Variants in VPS35 observed in about 807,000 individuals in gnomAD.
VPS35 encodes VPS35 retromer complex component, also known as vacuolar protein sorting-associated protein 35.
VPS35 carries 21 observed loss-of-function variants against 98.1 expected under a neutral mutation model. The observed-to-expected ratio is 0.21, with a 90% CI of 0.15 to 0.31. The LOEUF (loss-of-function observed/expected upper bound fraction) is 0.31. VPS35 is among the 10% of genes least tolerant of loss of function. The pLI, the probability that VPS35 is intolerant of heterozygous loss-of-function variation, is 1.00. For synonymous variants in VPS35, 268 were observed against 318.2 expected (o/e 0.84, Z 1.68); for missense variants, 554 against 950.8 (o/e 0.58, Z 5.49).
intron 6 of VPS35, 24 bp downstream of exon 6, chr16:46,678,919 A>G (rs749228368): frequency 6.2e-7 from 1 of 1,608,336 alleles, no homozygotes. Context: ...TGAACATAAG[A>G]AGAGGTAACA....
chr16:46,671,448 T>C (rs1019260045), intron 12 of VPS35, among the ~76,000 whole-genome samples: 3 of 151,804 alleles, frequency 2.0e-5, no homozygotes, highest in African/African-American at 7.3e-5. Context: ...TGTTTATATA[T>C]AAAGTAAAAG....
Position 46,674,784 on chromosome 16 carries a change from T to TTTTTG in VPS35, c.915-129_915-125dup, listed in dbSNP as rs985929003. On this transcript the variant is annotated intron_variant, in intron 8 of 16. Coordinates refer to ENST00000299138, the MANE Select transcript of VPS35 (RefSeq NM_018206.6). Reference sequence around the variant, plus strand: ...GTATGAGCCCAAAAGGTTTTTGTTTTTTTTGTTTTGTTTTGTTTTGTTTTG... The same window carrying TTTTTG: ...GTATGAGCCCAAAAGGTTTTTGTTTTTTTTGTTTTGTTTTGTTTTGTTTTGTTTTG... 48 of 1,016,986 alleles carry TTTTTG rather than the reference T, an allele frequency of 4.7e-5. No individual in the cohort carries two copies. The East Asian group carries it at 4.9e-4, about 10-fold the overall frequency. The allele number at this position is 1,016,986 out of a possible 1,614,324, so 63.0% of individuals were successfully genotyped here.
rs1029174684 is a variant in VPS35 at position 46,657,859 on chromosome 16, A to G, written c.*2613T>C. The G allele has an allele frequency of 6.6e-6, 1 of 152,118 alleles. No individual in the cohort carries two copies. Among genetic ancestry groups the G allele is most frequent in the Non-Finnish European group, 1.5e-5 (1 of 68,046 alleles). The allele number at this position is 152,118 out of a possible 1,614,324, so 9.4% of individuals were successfully genotyped here. On this transcript the variant is annotated 3_prime_UTR_variant, in exon 17 of 17. Coordinates refer to ENST00000299138, the MANE Select transcript of VPS35 (RefSeq NM_018206.6). ...TTGGAATTTAATGCCATTCAGCACC[A>G]AGCCTGCCCTGGTTCAGCGTTTCCA...
At position 46,661,489 on chromosome 16, in the gene VPS35, C is replaced by CA. The variant is rs1232658090; in HGVS notation, c.2211+228dup. On this transcript the variant is annotated intron_variant, in intron 16 of 16. Transcript: ENST00000299138. This position sits in a 1 kb window ranked among gnomAD's most constrained non-coding sequence, Gnocchi z 4.3. The stretch of plus-strand genomic sequence containing the variant: ...AGGTGATCTGCCTGCCTCAGCCTCC[C>CA]AAAGTGCTGGGATTACAGGCATGAG... 10 of 417,820 alleles carry CA rather than the reference C, an allele frequency of 2.4e-5. No homozygotes were observed. The highest frequency in any genetic ancestry group is 3.9e-5 in the Non-Finnish European group (9 of 229,376). 25.9% of individuals were successfully genotyped at this position (417,820 alleles called of 1,614,324 possible). A position where few individuals can be genotyped will look rare whatever the true frequency, so the allele number is the denominator to read the frequency against.
In VPS35 at chr16:46,673,074, T is replaced by C. The variant is rs1190664007; in HGVS notation, c.1161-602A>G. Among the ~76,000 whole-genome samples the C allele has an allele frequency of 4.6e-5, 7 of 152,176 alleles. No individual in the cohort carries two copies. In the East Asian group the frequency reaches 1.3e-3, roughly 29 times the overall value. On this transcript the variant is annotated intron_variant, in intron 10 of 16. Coordinates refer to ENST00000299138, the MANE Select transcript of VPS35 (RefSeq NM_018206.6). ...ACTTTGTCTATTTTTACTTTAAAATTCACTTGGGGAGAAAGACACAGATAC... is the reference window on the plus strand; with the variant it reads ...ACTTTGTCTATTTTTACTTTAAAATCCACTTGGGGAGAAAGACACAGATAC...
chr16:46,658,378 T>C lies in VPS35; in HGVS notation c.*2094A>G, dbSNP rs1310101837. On this transcript the variant is annotated 3_prime_UTR_variant, in exon 17 of 17. Coordinates refer to ENST00000299138, the MANE Select transcript of VPS35 (RefSeq NM_018206.6). ...GGCTATGATCTTCTTCACCTTTAGA[T>C]TCAGTGCCTAACTATATCTGGTACC... 1 of 153,802 alleles carries C rather than the reference T, an allele frequency of 6.5e-6. No homozygotes were observed. Among genetic ancestry groups the C allele is most frequent in the Non-Finnish European group, 1.5e-5 (1 of 68,046 alleles). The allele number at this position is 153,802 out of a possible 1,614,324, so 9.5% of individuals were successfully genotyped here. A position where few individuals can be genotyped will look rare whatever the true frequency, so the allele number is the denominator to read the frequency against.
chr16:46,667,372 T>A (rs1466248746), intron 13 of VPS35, among the ~76,000 whole-genome samples: 1 of 152,186 alleles, frequency 6.6e-6, no homozygotes, highest in Non-Finnish European at 1.5e-5. Flanking sequence ...ACTTTTCAGA[T>A]GTATAGTTTG....
rs769027812 is a variant in VPS35, at chr16:46,671,735, C to G, written c.1494G>C (p.Leu498=). 1.2e-6 allele frequency: 2 copies of G among 1,614,016 alleles called. No individual in the cohort carries two copies. The highest frequency in any genetic ancestry group is 2.7e-5 in the African/African-American group (2 of 74,920). ...ACTGCTGGTCAGGGTCCTCAGAGCG[C>G]AGCAGATGAATGAAGCGGCCCACAA... ...QSLVGRFIHL[L]RSEDPDQQYL... The change falls in exon 12 of 17, where the codon CTG becomes CTC. Residue 498 remains leucine, a synonymous_variant. Transcript: ENST00000299138.
At chr16:46,669,079 A>G (rs866409089) in intron 12 of VPS35, 27 bp from the exon 13 acceptor site, 1 of 1,613,956 alleles carries the variant, frequency 6.2e-7, no homozygotes, top group Middle Eastern at 1.7e-4. Context: ...AAAGAAAAAA[A>G]AATTTCCAAA....
At position 46,661,641 on chromosome 16, in the gene VPS35, T is replaced by G; in HGVS notation, c.2211+77A>C. 1.5e-6 allele frequency: 2 copies of G among 1,351,908 alleles called. No homozygotes were observed. Among genetic ancestry groups the G allele is most frequent in the Non-Finnish European group, 2.1e-6 (2 of 951,404 alleles). 83.7% of individuals were successfully genotyped at this position (1,351,908 alleles called of 1,614,324 possible). On this transcript the variant is annotated intron_variant, in intron 16 of 16. Coordinates refer to ENST00000299138, the MANE Select transcript of VPS35 (RefSeq NM_018206.6). This position sits in a 1 kb window ranked among gnomAD's most constrained non-coding sequence, Gnocchi z 4.3. ...TGATTAAAGTATCAGAATGATAAAC[T>G]TTTGTACATATCAAATCTCCTAAGA...
chr16:46,663,861 A>ACTTTTTTTT (rs1567262302), intron 13 of VPS35, among the ~76,000 whole-genome samples: 1 of 19,448 alleles, frequency 5.1e-5, no homozygotes, highest in Non-Finnish European at 1.2e-4. Context: ...ACACCTGGCT[A>ACTTTTTTTT]ATTTTTTTTT....
intron 5 of VPS35, 32 bp from the exon 6 acceptor site, chr16:46,679,188 A>G: frequency 6.4e-7 from 1 of 1,555,580 alleles, no homozygotes; most frequent in Non-Finnish European, 8.7e-7. Flanking sequence ...TTTACACAGT[A>G]TTTACAGGAC....
At chr16:46,669,787 A>G (rs1425195932) in intron 12 of VPS35, among the ~76,000 whole-genome samples, 1 of 152,158 alleles carries the variant, frequency 6.6e-6, no homozygotes, top group Admixed American at 6.5e-5. Flanking sequence ...CAAATTATTT[A>G]CCTTCTCTTA....
At chr16:46,669,834 A>G (rs1476675945) in intron 12 of VPS35, among the ~76,000 whole-genome samples, 4 of 152,216 alleles carry the variant, frequency 2.6e-5, no homozygotes, top group Admixed American at 2.6e-4. Context: ...GTTGTTGGGA[A>G]GATCAAGTGA....
chr16:46,688,683 G>C (rs1378981328), intron 1 of VPS35: 1 of 1,068,758 alleles, frequency 9.4e-7, no homozygotes, highest in Non-Finnish European at 1.1e-6. Flanking sequence ...GGGGACGGCC[G>C]AGCACAACTA....
chr16:46,683,916 C>CG (rs1236173794), intron 1 of VPS35, among the ~76,000 whole-genome samples: 2 of 152,012 alleles, frequency 1.3e-5, no homozygotes, highest in African/African-American at 4.8e-5. Context: ...TTAGTAGAGA[C>CG]GGGGTTTCAC....
intron 1 of VPS35, chr16:46,688,843 C>A: frequency 7.1e-7 from 1 of 1,410,512 alleles, no homozygotes; most frequent in East Asian, 2.6e-5. Context: ...TAAAGGAGGC[C>A]GCAGGCCTTC....
At chr16:46,674,254 A>C in intron 10 of VPS35, 60 bp downstream of exon 10, 1 of 1,588,760 alleles carries the variant, frequency 6.3e-7, no homozygotes, top group Non-Finnish European at 8.6e-7. Context: ...ATTGAGAAAG[A>C]AAAGCAAATC....
At chr16:46,688,609 A>G (rs998691751) in intron 1 of VPS35, 1 of 1,001,606 alleles carries the variant, frequency 1.0e-6, no homozygotes. Context: ...CAAACACTGC[A>G]GCCGAAGGCG....
Sources: gnomAD v4.1 joint callset for allele counts (sites outside exome capture counted in the v4.1 genomes callset) on GRCh38, gnomAD v4.1.1 for gene constraint, Gnocchi (gnomAD v3.1) non-coding constraint, MANE v1.5 for transcripts, NCBI Gene and HGNC (gene_info 2026-07-23, HGNC 2026-07-21) for gene names.